The following PLEKHG1 variants were observed in gnomAD, a reference collection of about 807,000 sequenced individuals.
PLEKHG1 encodes pleckstrin homology domain-containing family G member 1.
PLEKHG1 carries 44 observed loss-of-function variants against 100.8 expected under a neutral mutation model. The ratio of observed to expected loss-of-function variants is 0.44; its 90% CI spans 0.34 to 0.56. The LOEUF is 0.56. Ranked by LOEUF, PLEKHG1 falls within the 20% of genes least tolerant of loss-of-function variation. The pLI, the probability that PLEKHG1 is intolerant of heterozygous loss-of-function variation, is 0.01. For synonymous variants in PLEKHG1, 640 were observed against 662.5 expected, an observed-to-expected ratio of 0.97 and a Z score of 0.52; for missense variants, 1,545 against 1,720.9, an observed-to-expected ratio of 0.90 and a Z score of 1.81.
At chr6:150,832,955 G>A (rs535427368) in intron 15 of PLEKHG1, among the ~76,000 whole-genome samples, 1 of 151,834 alleles carries the variant, frequency 6.6e-6, no homozygotes, top group African/African-American at 2.4e-5. Context: ...GGGATTACAG[G>A]TGTGAGCCAC....
chr6:150,791,988 G>T (rs1262113659), intron 4 of PLEKHG1, among the ~76,000 whole-genome samples: 3 of 152,202 alleles, frequency 2.0e-5, no homozygotes, highest in Non-Finnish European at 2.9e-5. Flanking sequence ...ATAAAGCAAA[G>T]AAGTATTTAT....
At chr6:150,778,049 C>G (rs1785093532) in intron 3 of PLEKHG1, among the ~76,000 whole-genome samples, 1 of 152,236 alleles carries the variant, frequency 6.6e-6, no homozygotes, top group East Asian at 1.9e-4. Flanking sequence ...CTCTCTGTTG[C>G]CCACCAAATT....
chr6:150,747,090 T>A (rs561976560), intron 2 of PLEKHG1, among the ~76,000 whole-genome samples: 3 of 152,378 alleles, frequency 2.0e-5, no homozygotes, highest in African/African-American at 7.2e-5. Flanking sequence ...CAAAATTCTA[T>A]TGGAGATTTG....
chr6:150,649,341 G>T (rs1377870953), intron 2 of PLEKHG1, among the ~76,000 whole-genome samples: 2 of 151,996 alleles, frequency 1.3e-5, no homozygotes, highest in Non-Finnish European at 2.9e-5. Context: ...CACTCTAGTT[G>T]GGCTATTTTT....
At chr6:150,827,301 G>A (rs1369554581) in intron 14 of PLEKHG1, among the ~76,000 whole-genome samples, 4 of 142,350 alleles carry the variant, frequency 2.8e-5, no homozygotes. Flanking sequence ...TTTTGAGATA[G>A]AGTTTCGCTC....
chr6:150,629,247 T>C (rs1055261638), intron 1 of PLEKHG1, among the ~76,000 whole-genome samples: 5 of 152,142 alleles, frequency 3.3e-5, no homozygotes, highest in African/African-American at 1.2e-4. Context: ...CTTTGACTCA[T>C]TTTTCGGATA....
chr6:150,651,671 C>T (rs191425557), intron 3 of PLEKHG1: 9 of 152,018 alleles, frequency 5.9e-5, no homozygotes, highest in South Asian at 2.1e-4. Flanking sequence ...CCAGCCTGGC[C>T]GACACGGTGA....
At chr6:150,702,844 T>C (rs774845412) in intron 3 of PLEKHG1, among the ~76,000 whole-genome samples, 1 of 152,192 alleles carries the variant, frequency 6.6e-6, no homozygotes, top group Non-Finnish European at 1.5e-5. Flanking sequence ...AGGGCTGTTC[T>C]GAACCCTGAA....
intron 3 of PLEKHG1, among the ~76,000 whole-genome samples, chr6:150,670,793 G>A (rs759914747): frequency 3.9e-5 from 6 of 151,990 alleles, no homozygotes; most frequent in African/African-American, 1.5e-4. Context: ...TGTTGTTGTT[G>A]TTATATGAGT....
In PLEKHG1 at chr6:150,708,093, T is replaced by A. The variant is rs187061465; in HGVS notation, c.-98-25491T>A. Reference sequence around the variant, plus strand: ...TGTTCTTTTCCTTATGGGAAAAGGATTCCTCTCCTCTTGTGTTTCCTGCTG... The same window carrying A: ...TGTTCTTTTCCTTATGGGAAAAGGAATCCTCTCCTCTTGTGTTTCCTGCTG... On this transcript the variant is annotated intron_variant, in intron 3 of 3. Coordinates refer to the PLEKHG1 transcript ENST00000367326. Among the ~76,000 whole-genome samples, 4 of 152,250 alleles carry A rather than the reference T, an allele frequency of 2.6e-5. No individual in the cohort carries two copies. In the East Asian group the frequency reaches 7.7e-4, roughly 29 times the overall value.
At chr6:150,815,563 TTG>T (rs1275807251) in intron 10 of PLEKHG1, among the ~76,000 whole-genome samples, 1 of 152,214 alleles carries the variant, frequency 6.6e-6, no homozygotes, top group Non-Finnish European at 1.5e-5. Flanking sequence ...GAGCTAACAT[TTG>T]TGTTTGCAAG....
intron 1 of PLEKHG1, among the ~76,000 whole-genome samples, chr6:150,634,980 G>C (rs534328176): frequency 1.3e-5 from 2 of 152,318 alleles, no homozygotes; most frequent in South Asian, 4.1e-4. Flanking sequence ...AGGTGTTGAA[G>C]TAGTTAAGGG....
intron 6 of PLEKHG1, 54 bp from the exon 8 acceptor site, chr6:150,804,556 T>C (rs1786927103): frequency 1.4e-6 from 2 of 1,424,912 alleles, no homozygotes; most frequent in Admixed American, 2.2e-5. Context: ...TGTTTCACTG[T>C]CTATATGAAA....
intron 2 of PLEKHG1, among the ~76,000 whole-genome samples, chr6:150,736,644 CTA>C: frequency 6.6e-6 from 1 of 152,106 alleles, no homozygotes. Context: ...TGGTGCATGC[CTA>C]TAATCCCAGC....
intron 1 of PLEKHG1, among the ~76,000 whole-genome samples, chr6:150,622,887 G>C (rs918110073): frequency 6.6e-6 from 1 of 152,204 alleles, no homozygotes; most frequent in African/African-American, 2.4e-5. Context: ...AACAAAGAGG[G>C]AGTTTTGTAG....
intron 15 of PLEKHG1, among the ~76,000 whole-genome samples, chr6:150,836,682 G>A (rs1312616271): frequency 6.6e-6 from 1 of 151,914 alleles, no homozygotes. Context: ...AAATTTCCAG[G>A]CACAGTGGCT....
chr6:150,661,480 A>G (rs1253365474), intron 3 of PLEKHG1, among the ~76,000 whole-genome samples: 1 of 152,214 alleles, frequency 6.6e-6, no homozygotes, highest in Non-Finnish European at 1.5e-5. Flanking sequence ...CTTGTTAGAC[A>G]TAAAGCTATG....
At chr6:150,801,444 T>C (rs867522715) in intron 6 of PLEKHG1, among the ~76,000 whole-genome samples, 63 of 148,484 alleles carry the variant, frequency 4.2e-4, no homozygotes, top group African/African-American at 1.5e-3. Context: ...TTTCTTTTTT[T>C]TTTTTTTTTT....
At chr6:150,782,563 T>G (rs990318749) in intron 3 of PLEKHG1, among the ~76,000 whole-genome samples, 9 of 152,154 alleles carry the variant, frequency 5.9e-5, no homozygotes, top group African/African-American at 2.2e-4. Flanking sequence ...AAATACTCCC[T>G]CCTTTTCCAG....
Sources: gnomAD v4.1 joint callset for allele counts (sites outside exome capture counted in the v4.1 genomes callset) on GRCh38, gnomAD v4.1.1 for gene constraint, MANE v1.5 for transcripts, NCBI Gene and HGNC (gene_info 2026-07-23, HGNC 2026-07-21) for gene names.